Variants in PCSK6 observed in about 807,000 individuals in gnomAD.
PCSK6 encodes the protein proprotein convertase subtilisin/kexin type 6, also known as paired basic amino acid cleaving enzyme 4.
In PCSK6, 85 loss-of-function variants were observed where a neutral mutation model predicts 123.3. The observed-to-expected ratio is 0.69, with a 90% CI of 0.58 to 0.83. PCSK6 has a LOEUF of 0.83. Among genes scored for constraint, PCSK6 ranks in the 40% least tolerant of loss-of-function variants. The probability of loss-of-function intolerance (pLI) is 0.00; values close to 1 mark genes in which losing one functional copy is unlikely to be tolerated. For synonymous variants in PCSK6, 508 were observed against 516.0 expected (o/e 0.98, Z 0.21); for missense variants, 1,191 against 1,282.3 (o/e 0.93, Z 1.09).
intron 7 of PCSK6, among the ~76,000 whole-genome samples, chr15:101,396,797 G>A (rs553013484): frequency 6.6e-6 from 1 of 152,264 alleles, no homozygotes; most frequent in East Asian, 1.9e-4. Flanking sequence ...AGTGTCCCAA[G>A]GATGCCCGCA....
At chr15:101,320,572 C>A (rs1281337012) in intron 18 of PCSK6, among the ~76,000 whole-genome samples, 1 of 152,126 alleles carries the variant, frequency 6.6e-6, no homozygotes, top group Non-Finnish European at 1.5e-5. Flanking sequence ...TGTATGTTGG[C>A]AAGCTCCTCT....
intron 17 of PCSK6, 59 bp from the exon 18 acceptor site, chr15:101,322,666 T>C (rs1038036695): frequency 8.9e-7 from 1 of 1,119,982 alleles, no homozygotes; most frequent in Non-Finnish European, 1.4e-6. Context: ...GAATGAAATC[T>C]GGGCAAGCAG....
chr15:101,437,998 G>A (rs2056650444), intron 2 of PCSK6, among the ~76,000 whole-genome samples: 1 of 152,192 alleles, frequency 6.6e-6, no homozygotes, highest in Admixed American at 6.5e-5. Context: ...AGTGTCCCAT[G>A]AGAAGAGGAG....
intron 8 of PCSK6, among the ~76,000 whole-genome samples, chr15:101,392,697 T>C (rs143078703): frequency 4.6e-5 from 7 of 151,038 alleles, no homozygotes; most frequent in East Asian, 2.0e-4. Context: ...ATCATGCTTA[T>C]GTTCACTTAA....
At chr15:101,482,464 G>C (rs969267455) in intron 1 of PCSK6, among the ~76,000 whole-genome samples, 1 of 152,170 alleles carries the variant, frequency 6.6e-6, no homozygotes, top group Non-Finnish European at 1.5e-5. Context: ...GAGAGGTGTC[G>C]GCAGCCTGGC....
At chr15:101,410,426 CA>C (rs1358705227) in intron 6 of PCSK6, among the ~76,000 whole-genome samples, 1 of 151,976 alleles carries the variant, frequency 6.6e-6, no homozygotes, top group Non-Finnish European at 1.5e-5. Flanking sequence ...TGTGCCAGGT[CA>C]AAATTAAAAA....
intron 13 of PCSK6, among the ~76,000 whole-genome samples, chr15:101,357,961 G>A (rs1258989594): frequency 6.6e-6 from 1 of 152,190 alleles, no homozygotes; most frequent in Non-Finnish European, 1.5e-5. Flanking sequence ...GCCTGGCCAG[G>A]AAGCTCCCAC....
chr15:101,312,150 CCACCCCATCGTCACCCCTCACAGCT>C lies in PCSK6; in HGVS notation c.2699+1201_2699+1225del, dbSNP rs1177747531. Reference sequence around the variant, plus strand: ...CCACCCCATCGTCACCCCTCACAGCCCACCCCATCGTCACCCCTCACAGCTCACCCCATCGTCACACCCTCACAGG... The same window carrying C: ...CCACCCCATCGTCACCCCTCACAGCCCACCCCATCGTCACACCCTCACAGG... On this transcript the variant is annotated intron_variant, in intron 20 of 21. Transcript: ENST00000611716. 631 of 71,742 alleles carry C rather than the reference CCACCCCATCGTCACCCCTCACAGCT, an allele frequency of 8.8e-3. 46 individuals are homozygous for C. The highest frequency in any genetic ancestry group is 0.032 in the African/African-American group (334 of 10,286). 4.4% of individuals were successfully genotyped at this position (71,742 alleles called of 1,614,324 possible).
chr15:101,393,422 GC>G lies in PCSK6; in HGVS notation c.998del (p.Gly333AlafsTer102). 1 of 1,601,864 alleles carries G rather than the reference GC, an allele frequency of 6.2e-7. No individual in the cohort carries two copies. Among genetic ancestry groups the G allele is most frequent in the Non-Finnish European group, 8.5e-7 (1 of 1,175,640 alleles). On this transcript the variant is annotated frameshift_variant and splice_region_variant, in exon 8 of 22. Transcript: ENST00000611716. LOFTEE classifies it high-confidence loss of function. ...KQAFEYGIKK[G>X]RQGLGSIFVW... ...CGAAAATGGAGCCCAGGCCCTGCCGGCCCTGGAGGGACAAGAGGAACAAGGC... is the reference window on the plus strand; with the variant it reads ...CGAAAATGGAGCCCAGGCCCTGCCGGCCTGGAGGGACAAGAGGAACAAGGC...
chr15:101,350,810 G>C (rs889665660), intron 13 of PCSK6, among the ~76,000 whole-genome samples: 2 of 152,192 alleles, frequency 1.3e-5, no homozygotes, highest in African/African-American at 4.8e-5. Context: ...CCAAGAGAAA[G>C]ACAACCCTCT....
chr15:101,377,743 A>G (rs2041793753), intron 11 of PCSK6, among the ~76,000 whole-genome samples: 1 of 152,234 alleles, frequency 6.6e-6, no homozygotes, highest in South Asian at 2.1e-4. Flanking sequence ...AACATCTATA[A>G]AAAGATTATC....
chr15:101,334,738 C>T (rs1398434016), intron 13 of PCSK6, among the ~76,000 whole-genome samples: 1 of 152,088 alleles, frequency 6.6e-6, no homozygotes. Context: ...GCCTGGTCAC[C>T]AAAACTGGAT....
chr15:101,439,294 T>C lies in PCSK6; in HGVS notation c.402+4262A>G, dbSNP rs138106916. Among the ~76,000 whole-genome samples, 29 of 152,294 alleles carry C rather than the reference T, an allele frequency of 1.9e-4. 1 individual carries two copies. Among genetic ancestry groups the C allele is most frequent in the Admixed American group, 1.9e-3 (29 of 15,310 alleles). ...GGGTTTGGGACATACTGACTTTGGA[T>C]TGTCTTTGAGATATCTAAGCGGAAG... On this transcript the variant is annotated intron_variant, in intron 2 of 21. Transcript: ENST00000611716.
At position 101,393,265 on chromosome 15, in the gene PCSK6, C is replaced by T. The variant is rs2042286693; in HGVS notation, c.1156G>A (p.Ala386Thr). 9 of 1,613,542 alleles carry T rather than the reference C, an allele frequency of 5.6e-6. No individual in the cohort carries two copies. The highest frequency in any genetic ancestry group is 6.8e-6 in the Non-Finnish European group (8 of 1,179,888). ...CTGTAGGTGGTGGCCAGGGTGGAGG[C>T]ACACTCTTCCAGGTACCAGGGCTTG... ...GYKPWYLEEC[A>T]STLATTYSSG... is the part of the protein sequence containing the mutation. Residue 386 changes from alanine to threonine, a missense_variant, in exon 8 of 22, where the codon GCC (alanine) becomes ACC (threonine). Physicochemically the swap from Ala to Thr is moderately conservative, Grantham distance 58. Around this residue, in one of 3 missense-constraint regions of PCSK6, gnomAD observed 357 missense variants for 484.5 expected, o/e 0.74. Transcript: ENST00000611716.
At chr15:101,360,665 C>G (rs1289454783) in intron 13 of PCSK6, among the ~76,000 whole-genome samples, 3 of 135,424 alleles carry the variant, frequency 2.2e-5, no homozygotes, top group South Asian at 2.3e-4. Flanking sequence ...ACCAGGCACA[C>G]TCCTGCCCGG....
intron 1 of PCSK6, among the ~76,000 whole-genome samples, chr15:101,480,979 C>A (rs1200801992): frequency 2.6e-5 from 4 of 152,208 alleles, no homozygotes; most frequent in Non-Finnish European, 5.9e-5. Context: ...TCTTAAGACT[C>A]TTGCAAGGCA....
intron 7 of PCSK6, among the ~76,000 whole-genome samples, chr15:101,393,680 C>T (rs1454513546): frequency 6.6e-6 from 1 of 152,204 alleles, no homozygotes; most frequent in Non-Finnish European, 1.5e-5. Flanking sequence ...AGAAAGACTC[C>T]TCTGTTCTTC....
chr15:101,410,075 G>T (rs986723773), intron 6 of PCSK6, among the ~76,000 whole-genome samples: 1 of 152,216 alleles, frequency 6.6e-6, no homozygotes, highest in African/African-American at 2.4e-5. Flanking sequence ...TGGGATTACA[G>T]GCATAAGCCA....
intron 11 of PCSK6, among the ~76,000 whole-genome samples, chr15:101,373,054 G>A (rs2041631658): frequency 6.6e-6 from 1 of 151,868 alleles, no homozygotes; most frequent in South Asian, 2.1e-4. Context: ...CCGCCACTCT[G>A]AGCCCCACCC....
Sources: allele counts gnomAD v4.1 joint callset (sites outside exome capture counted in the v4.1 genomes callset), GRCh38; gene constraint gnomAD v4.1.1; regional missense constraint gnomAD v4.1.1; transcripts MANE v1.5; gene names NCBI Gene and HGNC (gene_info 2026-07-23, HGNC 2026-07-21).